Variants in CNTN3 observed in about 807,000 individuals in gnomAD.
The protein encoded by CNTN3 is contactin 3.
CNTN3 carries 60 observed loss-of-function variants against 119.1 expected under a neutral mutation model. The observed-to-expected ratio is 0.50, with a 90% CI of 0.41 to 0.62. The LOEUF (loss-of-function observed/expected upper bound fraction) is 0.62, where lower values mean the gene tolerates loss of function less well. CNTN3 is among the 20% of genes least tolerant of loss of function. The pLI is 0.00. For missense variants in CNTN3, 1,101 were observed against 1,242.4 expected, an observed-to-expected ratio of 0.89 and a Z score of 1.71; for synonymous variants, 450 against 438.7, an observed-to-expected ratio of 1.03 and a Z score of -0.32.
chr3:74,507,249 T>C (rs1335094467), intron 2 of CNTN3, among the ~76,000 whole-genome samples: 1 of 151,960 alleles, frequency 6.6e-6, no homozygotes, highest in African/African-American at 2.4e-5. Flanking sequence ...CAAGACTCCA[T>C]CTCTATAAAT....
intron 5 of CNTN3, among the ~76,000 whole-genome samples, chr3:74,419,127 A>G (rs1701577672): frequency 6.6e-6 from 1 of 152,142 alleles, no homozygotes; most frequent in Non-Finnish European, 1.5e-5. Context: ...TTACCTGCAG[A>G]ACAGTAGCAA....
chr3:74,399,110 CTAACTG>C (rs1235046997), intron 5 of CNTN3, among the ~76,000 whole-genome samples: 10 of 152,112 alleles, frequency 6.6e-5, no homozygotes, highest in African/African-American at 9.7e-5. Context: ...ATTCTCCTAT[CTAACTG>C]TAAGTTTTTT....
At chr3:74,298,856 C>T (rs1410444372) in intron 17 of CNTN3, among the ~76,000 whole-genome samples, 1 of 147,844 alleles carries the variant, frequency 6.8e-6, no homozygotes, top group Non-Finnish European at 1.5e-5. Context: ...GATATCACGC[C>T]ACTCCTGGGT....
chr3:74,503,642 C>A (rs1703203366), intron 2 of CNTN3, among the ~76,000 whole-genome samples: 1 of 152,128 alleles, frequency 6.6e-6, no homozygotes, highest in Non-Finnish European at 1.5e-5. Context: ...CTCAAAAAGA[C>A]AGAGCCTTGA....
intron 8 of CNTN3, among the ~76,000 whole-genome samples, chr3:74,366,780 G>GTATATATATATATATATATATATATATA (rs59223804): frequency 1.9e-4 from 12 of 63,700 alleles, no homozygotes; most frequent in African/African-American, 2.6e-4. Context: ...GTGTGTGTGT[G>GTATATATATATATATATATATATATATA]TATATATATA....
intron 11 of CNTN3, among the ~76,000 whole-genome samples, chr3:74,357,133 A>G (rs1703955565): frequency 6.6e-6 from 1 of 151,900 alleles, no homozygotes; most frequent in South Asian, 2.1e-4. Context: ...TCACCGTGTT[A>G]GCCAGAATGG....
chr3:74,497,834 A>C (rs1266625148), intron 3 of CNTN3, among the ~76,000 whole-genome samples: 1 of 151,836 alleles, frequency 6.6e-6, no homozygotes, highest in African/African-American at 2.4e-5. Flanking sequence ...CAAACAGTGA[A>C]ACTTCTTTAT....
intron 3 of CNTN3, among the ~76,000 whole-genome samples, chr3:74,490,865 C>A (rs1575777542): frequency 6.6e-6 from 1 of 152,164 alleles, no homozygotes; most frequent in South Asian, 2.1e-4. Context: ...ATATACTTGC[C>A]ATAACCAGAA....
intron 1 of CNTN3, among the ~76,000 whole-genome samples, chr3:74,546,005 T>C (rs1022088104): frequency 1.3e-5 from 2 of 152,148 alleles, no homozygotes; most frequent in South Asian, 2.1e-4. Context: ...TTCTTTTTTT[T>C]TTCTTTTTGA....
At chr3:74,285,790 G>GATATGTATATATAT (rs1702099889) in intron 19 of CNTN3, among the ~76,000 whole-genome samples, 2 of 56,544 alleles carry the variant, frequency 3.5e-5, no homozygotes, top group South Asian at 1.1e-3. Flanking sequence ...ATGAAGGGGA[G>GATATGTATATATAT]ATATATATAT....
At chr3:74,586,691 T>C (rs1704598318) in intron 1 of CNTN3, among the ~76,000 whole-genome samples, 1 of 152,058 alleles carries the variant, frequency 6.6e-6, no homozygotes, top group Non-Finnish European at 1.5e-5. Context: ...TTCATATTCA[T>C]AAGGCACTTA....
intron 1 of CNTN3, among the ~76,000 whole-genome samples, chr3:74,573,458 T>A (rs1704366228): frequency 6.6e-6 from 1 of 152,028 alleles, no homozygotes; most frequent in Non-Finnish European, 1.5e-5. Context: ...TCATCAAACT[T>A]AAAAACTTTT....
intron 11 of CNTN3, among the ~76,000 whole-genome samples, chr3:74,339,433 A>G (rs1703477443): frequency 6.6e-6 from 1 of 151,950 alleles, no homozygotes; most frequent in African/African-American, 2.4e-5. Flanking sequence ...TATAAAAACT[A>G]TTTCCTCTCT....
In CNTN3 at chr3:74,576,081, C is replaced by G. The variant is rs370893482; in HGVS notation, c.-81+38310G>C. On this transcript the variant is annotated intron_variant, in intron 1 of 22. Transcript: ENST00000263665. ...CTGCTCCTTCCAACATTCCAGCCCT[C>G]TGCCTCCTAATGTGAAGACCCCTTC... 2.3e-4 allele frequency among the ~76,000 whole-genome samples: 35 copies of G among 152,240 alleles called. 1 individual carries two copies. The South Asian group carries it at 6.6e-3, about 29-fold the overall frequency.
At chr3:74,267,859 A>G (rs1005078469) in intron 20 of CNTN3, among the ~76,000 whole-genome samples, 1 of 152,270 alleles carries the variant, frequency 6.6e-6, no homozygotes, top group East Asian at 1.9e-4. Context: ...AGAGGCTGGA[A>G]GAAATTGCCA....
chr3:74,348,257 G>T (rs906922942), intron 11 of CNTN3, among the ~76,000 whole-genome samples: 1 of 152,150 alleles, frequency 6.6e-6, no homozygotes, highest in Admixed American at 6.5e-5. Flanking sequence ...CTTGATTGTG[G>T]TATTGACTTC....
At chr3:74,588,676 G>A (rs148735916) in intron 1 of CNTN3, among the ~76,000 whole-genome samples, 2,539 of 152,082 alleles carry the variant, frequency 0.017, 36 homozygotes, top group African/African-American at 0.038. Context: ...GAACAAAGCC[G>A]GAGGCATCAT....
rs200146440 is a variant in CNTN3 at position 74,585,034 on chromosome 3, C to G, written c.-81+29357G>C. ...GAAAGAAGTCTTTCCCTTTTTGTTC[C>G]TTTATAATCTAACCAGTCAGGTAAC... is the stretch of plus-strand genomic sequence containing the variant. On this transcript the variant is annotated intron_variant, in intron 1 of 22. Transcript: ENST00000263665. 2.2e-4 allele frequency among the ~76,000 whole-genome samples: 33 copies of G among 152,212 alleles called. No homozygotes were observed. The East Asian group carries it at 3.5e-3, about 16-fold the overall frequency.
intron 13 of CNTN3, among the ~76,000 whole-genome samples, chr3:74,318,387 C>T (rs1232067553): frequency 3.3e-5 from 5 of 152,178 alleles, no homozygotes; most frequent in African/African-American, 4.8e-5. Flanking sequence ...TGAGGAGCTG[C>T]GTTCCTTTGG....
Sources: gnomAD v4.1 joint callset for allele counts (sites outside exome capture counted in the v4.1 genomes callset) on GRCh38, gnomAD v4.1.1 for gene constraint, MANE v1.5 for transcripts, NCBI Gene and HGNC (gene_info 2026-07-23, HGNC 2026-07-21) for gene names.